Variants in MKRN1 observed in about 807,000 individuals in gnomAD.
MKRN1 encodes the protein E3 ubiquitin-protein ligase makorin-1.
A neutral mutation model predicts 55.5 loss-of-function variants in MKRN1; 9 were observed. The observed-to-expected ratio is 0.16, with a 90% CI of 0.10 to 0.28. The LOEUF is 0.28. Among genes scored for constraint, MKRN1 ranks in the 10% least tolerant of loss-of-function variants. The probability of loss-of-function intolerance (pLI) is 1.00; values close to 1 mark genes in which losing one functional copy is unlikely to be tolerated. For synonymous variants in MKRN1, 253 were observed against 235.9 expected (o/e 1.07, Z -0.66); for missense variants, 488 against 626.7 (o/e 0.78, Z 2.36).
rs1361247050 is a variant in MKRN1 at position 140,471,965 on chromosome 7, A to T, written c.232T>A (p.Ser78Thr). ...TACGGACTGTCAGAGAGGTCATGCG[A>T]GTAGCGACAGTTGTCTCCTTCCTTA... is the stretch of plus-strand genomic sequence containing the variant. ...VCKEGDNCRY[S>T]HDLSDSPYSV... Residue 78 changes from serine to threonine, a missense_variant, in exon 2 of 8, where the codon TCG (serine) becomes ACG (threonine). By Grantham distance (58) the Ser-to-Thr change is moderately conservative. This residue lies in a region of MKRN1 where 210 missense variants were observed against 220.0 expected (regional missense o/e 0.95). Transcript: ENST00000255977. 1 of 1,614,188 alleles carries T rather than the reference A, an allele frequency of 6.2e-7. No individual in the cohort carries two copies. Among genetic ancestry groups the T allele is most frequent in the Non-Finnish European group, 8.5e-7 (1 of 1,180,038 alleles).
intron 1 of MKRN1, 189 bp downstream of exon 1, chr7:140,478,971 G>C: frequency 1.6e-6 from 1 of 644,540 alleles, no homozygotes; most frequent in Non-Finnish European, 2.2e-6. Context: ...CGGCCCAGCG[G>C]GGGTTGACGC....
chr7:140,455,056 T>C (rs752405122), intron 7 of MKRN1, 39 bp downstream of exon 7: 3 of 1,610,332 alleles, frequency 1.9e-6, no homozygotes, highest in South Asian at 1.1e-5. Flanking sequence ...AACTGATACC[T>C]TGGAATTTCC....
chr7:140,464,574 G>A (rs1468938260), intron 2 of MKRN1, among the ~76,000 whole-genome samples: 1 of 151,964 alleles, frequency 6.6e-6, no homozygotes, highest in Non-Finnish European at 1.5e-5. Flanking sequence ...GCATGGTGGT[G>A]CATGCCTGTA....
chr7:140,455,997 T>G, intron 5 of MKRN1, 97 bp from the exon 6 acceptor site: 1 of 1,172,666 alleles, frequency 8.5e-7, no homozygotes, highest in Non-Finnish European at 1.3e-6. Context: ...CTTAAAGACT[T>G]AACTGAAAGG....
At chr7:140,470,523 T>C (rs1257167318) in intron 2 of MKRN1, among the ~76,000 whole-genome samples, 3 of 151,946 alleles carry the variant, frequency 2.0e-5, no homozygotes. Flanking sequence ...AGGCGGAGGT[T>C]GCAGTGAGCC....
chr7:140,455,491 A>G, intron 6 of MKRN1: 1 of 569,878 alleles, frequency 1.8e-6, no homozygotes, highest in Non-Finnish European at 3.1e-6. Context: ...TAGAAAGCCA[A>G]CACATGAGAA....
intron 1 of MKRN1, among the ~76,000 whole-genome samples, chr7:140,476,979 C>T (rs890331533): frequency 6.6e-6 from 1 of 151,420 alleles, no homozygotes. Flanking sequence ...GCTACTAAGG[C>T]ATCTGTAATG....
chr7:140,477,903 C>T (rs1234692332), intron 1 of MKRN1, among the ~76,000 whole-genome samples: 1 of 152,158 alleles, frequency 6.6e-6, no homozygotes, highest in African/African-American at 2.4e-5. Flanking sequence ...GGCAATATTC[C>T]ACTTTTACAA....
Position 140,459,920 on chromosome 7 carries a change from G to T in MKRN1, c.331C>A (p.Pro111Thr). 6.2e-7 allele frequency: 1 copy of T among 1,613,756 alleles called. No individual in the cohort carries two copies. Among genetic ancestry groups the T allele is most frequent in the South Asian group, 1.1e-5 (1 of 91,062 alleles). ...GCAGTTGCTTCTTCCTGTTTCAATG[G>T]TTTGCTATGTTCATATCTAAGAAAA... ...GDRCRYEHSK[P>T]LKQEEATATE... The change falls in exon 3 of 8, where the codon CCA becomes ACA. Residue 111 changes from proline to threonine, a missense_variant. Transcript: ENST00000255977.
At chr7:140,464,563 G>A (rs1313978113) in intron 2 of MKRN1, among the ~76,000 whole-genome samples, 1 of 151,962 alleles carries the variant, frequency 6.6e-6, no homozygotes, top group Non-Finnish European at 1.5e-5. Flanking sequence ...GAATTAGCTG[G>A]GCATGGTGGT....
At chr7:140,475,291 C>T (rs1390842397) in intron 1 of MKRN1, 3 of 418,458 alleles carry the variant, frequency 7.2e-6, no homozygotes, top group Non-Finnish European at 1.4e-5. Flanking sequence ...TGTAGTGAGC[C>T]GAGATCGTGC....
rs1794871232 is a variant in MKRN1 at position 140,469,814 on chromosome 7, T to TG, written c.314+2068_314+2069insC. On this transcript the variant is annotated intron_variant, in intron 2 of 7. Coordinates refer to ENST00000255977, the MANE Select transcript of MKRN1 (RefSeq NM_013446.4). ...TGGCTCATGCCTACAATCCCAGCAC[T>TG]TTGGGAGGCTGGTGTGGGCTGGTCA... is the stretch of plus-strand genomic sequence containing the variant. Among the ~76,000 whole-genome samples the TG allele has an allele frequency of 1.2e-4, 19 of 152,114 alleles. 1 individual carries two copies. The East Asian group carries it at 3.7e-3, about 30-fold the overall frequency.
intron 2 of MKRN1, among the ~76,000 whole-genome samples, chr7:140,465,228 T>C (rs1794735256): frequency 6.6e-6 from 1 of 152,066 alleles, no homozygotes; most frequent in Admixed American, 6.6e-5. Flanking sequence ...CCAGGCACGG[T>C]AGTTCACACC....
chr7:140,458,251 T>TAG (rs1222987699), intron 4 of MKRN1, among the ~76,000 whole-genome samples: 1 of 152,186 alleles, frequency 6.6e-6, no homozygotes, highest in Non-Finnish European at 1.5e-5. Flanking sequence ...AAACTGGAAA[T>TAG]GATCTAAGTG....
intron 1 of MKRN1, among the ~76,000 whole-genome samples, chr7:140,477,846 T>C (rs1292956488): frequency 6.6e-6 from 1 of 152,236 alleles, no homozygotes. Flanking sequence ...GAAACAGATA[T>C]TCAAATAATT....
rs367800830 is a variant in MKRN1 at position 140,478,577 on chromosome 7, G to A, written c.185+583C>T. On this transcript the variant is annotated intron_variant, in intron 1 of 7. Transcript: ENST00000255977. ...CCAACCTCGACAAACATACAAAGAA[G>A]AAATACAAAAGCTTCTTCTCACAGT... 1.9e-4 allele frequency: 29 copies of A among 152,310 alleles called. No homozygotes were observed. The East Asian group carries it at 4.8e-3, about 25-fold the overall frequency. The allele number at this position is 152,310 out of a possible 1,614,324, so 9.4% of individuals were successfully genotyped here. A position where few individuals can be genotyped will look rare whatever the true frequency, so the allele number is the denominator to read the frequency against.
At chr7:140,474,005 A>AAAAAAAGAAAGAAAG (rs1336764327) in intron 1 of MKRN1, among the ~76,000 whole-genome samples, 2 of 65,658 alleles carry the variant, frequency 3.0e-5, no homozygotes, top group Non-Finnish European at 5.3e-5. Context: ...AAAAAAAAAA[A>AAAAAAAGAAAGAAAG]AAAGAAAGAA....
chr7:140,474,438 G>T (rs1215356340), intron 1 of MKRN1: 2 of 348,014 alleles, frequency 5.7e-6, no homozygotes, highest in Non-Finnish European at 1.2e-5. Flanking sequence ...GCAGTGGGTT[G>T]GGGGGGGCCC....
chr7:140,458,917 A>T (rs1175690169), intron 4 of MKRN1, 90 bp downstream of exon 4: 34 of 1,366,064 alleles, frequency 2.5e-5, no homozygotes, highest in Non-Finnish European at 3.5e-5. Context: ...CAATTCATCA[A>T]ATGTTTCTCT....
Sources: gnomAD v4.1 joint callset for allele counts (sites outside exome capture counted in the v4.1 genomes callset) on GRCh38, gnomAD v4.1.1 for gene constraint, gnomAD v4.1.1 regional missense constraint, MANE v1.5 for transcripts, NCBI Gene and HGNC (gene_info 2026-07-23, HGNC 2026-07-21) for gene names.